The following FIRRM variants were observed in gnomAD, a reference collection of about 807,000 sequenced individuals.
FIRRM encodes the protein FIGNL1 interacting regulator of recombination and mitosis.
chr1:169,847,544 A>T, the FIRRM span: 1 of 561,948 alleles, frequency 1.8e-6, no homozygotes. Context: ...CTACCAGTGA[A>T]GTTCAGGGGC....
chr1:169,845,235 T>G, the FIRRM span, among the ~76,000 whole-genome samples: 1 of 152,214 alleles, frequency 6.6e-6, no homozygotes, highest in African/African-American at 2.4e-5. Context: ...GCATTATGTG[T>G]AAAAAATGTA....
chr1:169,793,453 T>G, the FIRRM span: 1 of 1,614,254 alleles, frequency 6.2e-7, no homozygotes, highest in South Asian at 1.1e-5. Context: ...AACTGCTGGC[T>G]GCACTGAGTG....
chr1:169,853,934 G>A, the FIRRM span: 4 of 779,880 alleles, frequency 5.1e-6, no homozygotes, highest in Non-Finnish European at 2.0e-6. Flanking sequence ...AAGTTGAAAA[G>A]TAGGATTACA....
chr1:169,804,141 GAGGCCTATTCTCTTCAAA>G, the FIRRM span: 1 of 1,587,112 alleles, frequency 6.3e-7, no homozygotes, highest in Non-Finnish European at 8.6e-7. Flanking sequence ...TCTTTTCAAG[GAGGCCTATTCTCTTCAAA>G]AGCAGTTAAT....
chr1:169,842,497 C>T, the FIRRM span: 16 of 1,613,498 alleles, frequency 9.9e-6, no homozygotes, highest in African/African-American at 1.3e-5. Flanking sequence ...CTGCAATTAT[C>T]GAAGTTGTGA....
the FIRRM span, chr1:169,795,212 T>A: frequency 6.5e-7 from 1 of 1,535,864 alleles, no homozygotes. Context: ...CCCCGACTCC[T>A]CATATCCTTC....
chr1:169,801,083 A>G, the FIRRM span: 1 of 574,802 alleles, frequency 1.7e-6, no homozygotes, highest in East Asian at 3.1e-5. Flanking sequence ...TATTCAAAAT[A>G]AAAATAAGGA....
At chr1:169,827,774 C>T in the FIRRM span, 2 of 1,614,114 alleles carry the variant, frequency 1.2e-6, no homozygotes, top group Non-Finnish European at 1.7e-6. Flanking sequence ...GATAAGCTGC[C>T]ATCTCAGCCT....
chr1:169,834,127 C>G, the FIRRM span, among the ~76,000 whole-genome samples: 8 of 152,036 alleles, frequency 5.3e-5, no homozygotes, highest in East Asian at 1.5e-3. Context: ...AAGCAGTGTT[C>G]TAAATTAGAT....
chr1:169,811,869 TTAGATAGATAGA>T, the FIRRM span, among the ~76,000 whole-genome samples: 2 of 142,804 alleles, frequency 1.4e-5, no homozygotes, highest in Non-Finnish European at 3.0e-5. Flanking sequence ...GATAGATAGA[TTAGATAGATAGA>T]TAGATAGATA....
chr1:169,843,778 A>G, the FIRRM span: 710 of 1,524,692 alleles, frequency 4.7e-4, 3 homozygotes, highest in East Asian at 0.013. Flanking sequence ...AGGTAAGAAT[A>G]ATGACCAGAT....
chr1:169,826,969 G>T, the FIRRM span: 1 of 1,213,194 alleles, frequency 8.2e-7, no homozygotes, highest in African/African-American at 1.5e-5. Flanking sequence ...TTTACTACCA[G>T]AACATCAGTT....
At chr1:169,806,858 T>C in the FIRRM span, among the ~76,000 whole-genome samples, 1 of 152,208 alleles carries the variant, frequency 6.6e-6, no homozygotes, top group Admixed American at 6.5e-5. Context: ...GAAATAATAA[T>C]AGCAACTTCT....
At chr1:169,837,716 C>A in the FIRRM span, among the ~76,000 whole-genome samples, 2 of 152,130 alleles carry the variant, frequency 1.3e-5, no homozygotes, top group Non-Finnish European at 2.9e-5. Context: ...CCAAAAATTT[C>A]TACTCTCATA....
the FIRRM span, chr1:169,827,920 T>G: frequency 6.7e-7 from 1 of 1,482,122 alleles, no homozygotes; most frequent in Non-Finnish European, 9.1e-7. Context: ...GAAATTAAGT[T>G]TGTGTGTTTT....
chr1:169,813,167 T>C, the FIRRM span, among the ~76,000 whole-genome samples: 4 of 152,256 alleles, frequency 2.6e-5, no homozygotes, highest in Non-Finnish European at 5.9e-5. Context: ...GTGTGTATTA[T>C]AAACTTGGGT....
the FIRRM span, among the ~76,000 whole-genome samples, chr1:169,831,149 C>G: frequency 6.6e-6 from 1 of 151,368 alleles, no homozygotes; most frequent in Non-Finnish European, 1.5e-5. Context: ...TTTTTTAAGT[C>G]AAGATGATTT....
chr1:169,795,076 T>C, the FIRRM span: 1 of 1,521,732 alleles, frequency 6.6e-7, no homozygotes, highest in African/African-American at 1.4e-5. Flanking sequence ...GCGGGTCTGG[T>C]TTGAAGCTCT....
chr1:169,816,309 C>T, the FIRRM span, among the ~76,000 whole-genome samples: 2 of 152,128 alleles, frequency 1.3e-5, no homozygotes. Context: ...GAGCAGCAGC[C>T]AGAGATCACT....
Sources: allele counts gnomAD v4.1 joint callset (sites outside exome capture counted in the v4.1 genomes callset), GRCh38; gene constraint gnomAD v4.1.1; transcripts MANE v1.5; gene names NCBI Gene and HGNC (gene_info 2026-07-23, HGNC 2026-07-21).